The following PTPRD variants were observed in gnomAD, a reference collection of about 807,000 sequenced individuals.
PTPRD encodes protein tyrosine phosphatase receptor type D, also known as receptor-type tyrosine-protein phosphatase delta.
In PTPRD, 34 loss-of-function variants were observed where a neutral mutation model predicts 214.5. The observed-to-expected ratio is 0.16, with a 90% CI of 0.12 to 0.21. The LOEUF (loss-of-function observed/expected upper bound fraction) is 0.21, where lower values mean the gene tolerates loss of function less well. Ranked by LOEUF, PTPRD falls within the 10% of genes least tolerant of loss-of-function variation. The probability of loss-of-function intolerance (pLI) is 1.00; values close to 1 mark genes in which losing one functional copy is unlikely to be tolerated. For missense variants in PTPRD, 2,545 were observed against 2,398.7 expected (o/e 1.06, Z -1.27); for synonymous variants, 1,128 against 845.7 (o/e 1.33, Z -5.79).
chr9:9,813,767 G>A (rs1178539449), intron 5 of PTPRD, among the ~76,000 whole-genome samples: 1 of 151,942 alleles, frequency 6.6e-6, no homozygotes, highest in Non-Finnish European at 1.5e-5. Context: ...ATTTTAAAAG[G>A]TCAGAATTAC....
intron 9 of PTPRD, among the ~76,000 whole-genome samples, chr9:9,238,155 G>A (rs1423426810): frequency 4.6e-5 from 7 of 152,086 alleles, no homozygotes; most frequent in African/African-American, 1.2e-4. Flanking sequence ...AGGCACTATT[G>A]ACCCCCTTTG....
chr9:9,374,329 T>C (rs184958985), intron 9 of PTPRD, among the ~76,000 whole-genome samples: 10 of 152,212 alleles, frequency 6.6e-5, no homozygotes, highest in African/African-American at 2.2e-4. Context: ...ATATGTAATT[T>C]CTATAATTAA....
intron 9 of PTPRD, among the ~76,000 whole-genome samples, chr9:9,293,333 C>T (rs1951823695): frequency 6.7e-6 from 1 of 148,968 alleles, no homozygotes; most frequent in Non-Finnish European, 1.5e-5. Context: ...CCATTGGGAG[C>T]TCTTTCAGTT....
At chr9:10,487,586 G>A (rs1018571543) in intron 2 of PTPRD, among the ~76,000 whole-genome samples, 6 of 151,810 alleles carry the variant, frequency 4.0e-5, no homozygotes, top group African/African-American at 7.3e-5. Flanking sequence ...AAAAGCAAAC[G>A]AATATAGACA....
intron 9 of PTPRD, among the ~76,000 whole-genome samples, chr9:9,382,831 T>A (rs1193149370): frequency 6.6e-6 from 1 of 152,062 alleles, no homozygotes; most frequent in African/African-American, 2.4e-5. Flanking sequence ...GAAATGAGAA[T>A]TTCAGAGATA....
intron 5 of PTPRD, among the ~76,000 whole-genome samples, chr9:9,771,934 CAG>C (rs1172569339): frequency 2.0e-5 from 3 of 152,048 alleles, no homozygotes; most frequent in Admixed American, 2.0e-4. Context: ...AGTGAATAAA[CAG>C]ATAAGCATCA....
chr9:8,360,810 C>A (rs2078279268), intron 39 of PTPRD, among the ~76,000 whole-genome samples: 1 of 152,060 alleles, frequency 6.6e-6, no homozygotes, highest in Admixed American at 6.6e-5. Flanking sequence ...CAAGGGGGGA[C>A]AAATAGTTCT....
intron 5 of PTPRD, among the ~76,000 whole-genome samples, chr9:9,857,862 G>A (rs1022370625): frequency 6.6e-6 from 1 of 152,080 alleles, no homozygotes; most frequent in Admixed American, 6.5e-5. Context: ...GTTGAAGAAA[G>A]AGAACATTAA....
At position 9,867,122 on chromosome 9, in the gene PTPRD, C is replaced by T. The variant is rs753188951; in HGVS notation, c.-368+71385G>A. Reference sequence around the variant, plus strand: ...TCACCTATGCTACTGTTCCAATTAACGGAAAAGGAGTCAATATTATTGTAT... The same window carrying T: ...TCACCTATGCTACTGTTCCAATTAATGGAAAAGGAGTCAATATTATTGTAT... On this transcript the variant is annotated intron_variant, in intron 5 of 45. Coordinates refer to ENST00000381196, the MANE Select transcript of PTPRD (RefSeq NM_002839.4). 8.6e-5 allele frequency among the ~76,000 whole-genome samples: 13 copies of T among 152,038 alleles called. No homozygotes were observed. In the South Asian group the frequency reaches 1.4e-3, roughly 17 times the overall value.
chr9:10,408,973 G>A (rs2098405944), intron 2 of PTPRD, among the ~76,000 whole-genome samples: 1 of 151,678 alleles, frequency 6.6e-6, no homozygotes, highest in Non-Finnish European at 1.5e-5. Flanking sequence ...ATATTAATAT[G>A]AAACTAAATT....
chr9:8,905,278 T>G (rs774437582), intron 11 of PTPRD, among the ~76,000 whole-genome samples: 1 of 152,098 alleles, frequency 6.6e-6, no homozygotes, highest in Admixed American at 6.5e-5. Flanking sequence ...CCTGTTTTCA[T>G]AGATATGTAT....
intron 4 of PTPRD, among the ~76,000 whole-genome samples, chr9:9,989,288 G>A (rs566222750): frequency 2.3e-4 from 35 of 152,094 alleles, no homozygotes; most frequent in Non-Finnish European, 4.9e-4. Flanking sequence ...ATGCATTCCT[G>A]TTTTCCCACT....
intron 9 of PTPRD, among the ~76,000 whole-genome samples, chr9:9,320,066 T>C (rs1965663454): frequency 6.6e-6 from 1 of 152,210 alleles, no homozygotes; most frequent in Non-Finnish European, 1.5e-5. Context: ...ACCTCATTTT[T>C]GTTTTAAATG....
chr9:10,380,483 T>C (rs1280194214), intron 2 of PTPRD, among the ~76,000 whole-genome samples: 1 of 152,052 alleles, frequency 6.6e-6, no homozygotes, highest in Non-Finnish European at 1.5e-5. Flanking sequence ...TTAGCAGGCC[T>C]CTAAAAACGA....
chr9:8,666,201 A>G (rs777676360), intron 12 of PTPRD, among the ~76,000 whole-genome samples: 1 of 152,204 alleles, frequency 6.6e-6, no homozygotes, highest in Non-Finnish European at 1.5e-5. Context: ...CCTGCTGTAG[A>G]AAAGTGTCAA....
At chr9:10,258,192 A>T (rs977122167) in intron 3 of PTPRD, among the ~76,000 whole-genome samples, 2 of 152,216 alleles carry the variant, frequency 1.3e-5, no homozygotes, top group Non-Finnish European at 2.9e-5. Context: ...TTAAGAGAGT[A>T]CAGAAAGACT....
At chr9:9,448,166 G>A (rs1173531802) in intron 8 of PTPRD, among the ~76,000 whole-genome samples, 1 of 152,022 alleles carries the variant, frequency 6.6e-6, no homozygotes, top group Non-Finnish European at 1.5e-5. Context: ...GCAGTAAGAA[G>A]TTGTAAAATT....
At chr9:9,845,432 T>C (rs1470338566) in intron 5 of PTPRD, among the ~76,000 whole-genome samples, 1 of 151,714 alleles carries the variant, frequency 6.6e-6, no homozygotes, top group African/African-American at 2.4e-5. Context: ...CCTAGTGATC[T>C]ACAGAGGACA....
intron 3 of PTPRD, among the ~76,000 whole-genome samples, chr9:10,185,574 T>C (rs1180079981): frequency 6.6e-6 from 1 of 152,140 alleles, no homozygotes. Flanking sequence ...CAGGGAGAAT[T>C]GGTAACTTGT....
Sources: allele counts gnomAD v4.1 joint callset (sites outside exome capture counted in the v4.1 genomes callset), GRCh38; gene constraint gnomAD v4.1.1; transcripts MANE v1.5; gene names NCBI Gene and HGNC (gene_info 2026-07-23, HGNC 2026-07-21).